Variants in PPP4R3B observed in about 807,000 individuals in gnomAD.
PPP4R3B encodes the protein protein phosphatase 4 regulatory subunit 3B.
Under a neutral mutation model 95.4 loss-of-function variants are expected in PPP4R3B, and 52 were observed. The observed-to-expected ratio is 0.54, with a 90% CI of 0.44 to 0.69. The LOEUF (loss-of-function observed/expected upper bound fraction) is 0.69. Ranked by LOEUF, PPP4R3B falls within the 30% of genes least tolerant of loss-of-function variation. PPP4R3B has a pLI of 0.00. For missense variants in PPP4R3B, 1,003 were observed against 1,005.9 expected, an observed-to-expected ratio of 1.00 and a Z score of 0.04; for synonymous variants, 407 against 343.9, an observed-to-expected ratio of 1.18 and a Z score of -2.03.
chr2:55,567,991 A>C, intron 13 of PPP4R3B: 1 of 302,196 alleles, frequency 3.3e-6, no homozygotes, highest in Non-Finnish European at 5.9e-6. Context: ...AAACCACTAA[A>C]CTATAACCAT....
At chr2:55,574,387 T>C (rs1264489985) in intron 11 of PPP4R3B, among the ~76,000 whole-genome samples, 1 of 150,976 alleles carries the variant, frequency 6.6e-6, no homozygotes, top group Non-Finnish European at 1.5e-5. Context: ...CACTGAGGAG[T>C]TCTTGGTAAT....
rs1489257916 is a variant in PPP4R3B, at chr2:55,615,240, A to T, written c.198+211T>A. 5.8e-6 allele frequency: 3 copies of T among 513,022 alleles called. No individual in the cohort carries two copies. The East Asian group carries it at 1.1e-4, about 18-fold the overall frequency. 31.8% of individuals were successfully genotyped at this position (513,022 alleles called of 1,614,324 possible). On this transcript the variant is annotated intron_variant, in intron 2 of 16. Coordinates refer to ENST00000616407, the MANE Select transcript of PPP4R3B (RefSeq NM_001122964.3). ...TACTAATAAATACATCTTAGAATAA[A>T]CCGACAGTGGCTCAATCCAAAAATG... is the stretch of plus-strand genomic sequence containing the variant.
At chr2:55,609,593 A>C (rs188037180) in intron 2 of PPP4R3B, among the ~76,000 whole-genome samples, 1 of 151,580 alleles carries the variant, frequency 6.6e-6, no homozygotes, top group Non-Finnish European at 1.5e-5. Context: ...GCCTGAGCGC[A>C]GGAAGTTAAA....
chr2:55,552,101 ATT>A (rs1232369327), intron 16 of PPP4R3B, among the ~76,000 whole-genome samples: 1 of 152,168 alleles, frequency 6.6e-6, no homozygotes, highest in African/African-American at 2.4e-5. Flanking sequence ...CACTTATACA[ATT>A]TGAGTTTTAC....
At chr2:55,615,262 A>T (rs1694731550) in intron 2 of PPP4R3B, 189 bp downstream of exon 2, 1 of 546,228 alleles carries the variant, frequency 1.8e-6, no homozygotes, top group South Asian at 2.2e-5. Flanking sequence ...TCAATCCAAA[A>T]ATGATAATTA....
chr2:55,561,720 C>T (rs1201250290), intron 15 of PPP4R3B, among the ~76,000 whole-genome samples: 1 of 152,238 alleles, frequency 6.6e-6, no homozygotes, highest in Non-Finnish European at 1.5e-5. Flanking sequence ...GGGCCTGTAG[C>T]CCCTTTGTTT....
At chr2:55,583,871 C>G (rs533319438) in intron 7 of PPP4R3B, among the ~76,000 whole-genome samples, 30 of 152,304 alleles carry the variant, frequency 2.0e-4, no homozygotes, top group African/African-American at 6.7e-4. Context: ...TCAGTGGTAA[C>G]TGATGCAAGC....
intron 7 of PPP4R3B, among the ~76,000 whole-genome samples, chr2:55,583,453 A>C (rs1290595688): frequency 2.0e-5 from 3 of 152,200 alleles, no homozygotes; most frequent in African/African-American, 4.8e-5. Context: ...ATTAAACAAG[A>C]AATATTTTTA....
chr2:55,576,842 C>T (rs1435502318), intron 11 of PPP4R3B, among the ~76,000 whole-genome samples: 2 of 152,190 alleles, frequency 1.3e-5, no homozygotes, highest in Admixed American at 1.3e-4. Context: ...ACTGGCTCCC[C>T]TTTGAGATTT....
At chr2:55,565,535 A>T (rs947280968) in intron 13 of PPP4R3B, among the ~76,000 whole-genome samples, 43 of 152,286 alleles carry the variant, frequency 2.8e-4, no homozygotes, top group African/African-American at 9.6e-4. Context: ...GGTGATGGAT[A>T]CCCCAAATAC....
chr2:55,579,554 G>C (rs764248616), intron 9 of PPP4R3B, 125 bp downstream of exon 9: 6 of 507,842 alleles, frequency 1.2e-5, no homozygotes, highest in Non-Finnish European at 2.0e-5. Context: ...TTATATTGCA[G>C]TTTAAGTTTT....
chr2:55,599,221 T>G (rs1692219055), intron 3 of PPP4R3B, among the ~76,000 whole-genome samples, 182 bp from the exon 4 acceptor site: 1 of 152,130 alleles, frequency 6.6e-6, no homozygotes, highest in Non-Finnish European at 1.5e-5. Context: ...GCAGGTCTCT[T>G]GAGGTCAGGA....
Position 55,558,896 on chromosome 2 carries a change from T to C in PPP4R3B, c.2333A>G (p.His778Arg), listed in dbSNP as rs774056194. ...TGTTCCATTAGCAGCACTGGCAGAG[T>C]GGGAGAAAGTAAATTTGAAGCCACC... ...SPGGFKFTFSHSASAANGTNS... is the reference protein window; with the variant it reads ...SPGGFKFTFSRSASAANGTNS... Residue 778 changes from histidine to arginine, a missense_variant, in exon 16 of 17, where the codon CAC becomes CGC. His to Arg is a conservative substitution (Grantham distance 29). Coordinates refer to ENST00000616407, the MANE Select transcript of PPP4R3B (RefSeq NM_001122964.3). 3.7e-6 allele frequency: 6 copies of C among 1,613,728 alleles called. No individual in the cohort carries two copies. The highest frequency in any genetic ancestry group is 1.7e-5 in the Admixed American group (1 of 59,966).
At chr2:55,594,448 GA>G (rs2104402973) in intron 4 of PPP4R3B, among the ~76,000 whole-genome samples, 1 of 152,046 alleles carries the variant, frequency 6.6e-6, no homozygotes, top group East Asian at 1.9e-4. Flanking sequence ...AAATCTTTTA[GA>G]AAAATAAAAA....
intron 16 of PPP4R3B, among the ~76,000 whole-genome samples, chr2:55,550,832 C>T (rs1283260267): frequency 6.6e-6 from 1 of 152,026 alleles, no homozygotes; most frequent in Non-Finnish European, 1.5e-5. Context: ...CAGAATGTAA[C>T]CAAATCAGTA....
At chr2:55,612,915 C>A (rs1694374453) in intron 2 of PPP4R3B, among the ~76,000 whole-genome samples, 1 of 149,510 alleles carries the variant, frequency 6.7e-6, no homozygotes, top group Admixed American at 6.7e-5. Flanking sequence ...CACCACACTG[C>A]AGCATGGACG....
At chr2:55,569,541 T>C (rs972375162) in intron 12 of PPP4R3B, among the ~76,000 whole-genome samples, 2 of 152,176 alleles carry the variant, frequency 1.3e-5, no homozygotes, top group East Asian at 3.8e-4. Context: ...TAAAAGTCTA[T>C]GATAAGCAGA....
At chr2:55,605,267 C>T (rs891376425) in intron 2 of PPP4R3B, among the ~76,000 whole-genome samples, 3 of 152,026 alleles carry the variant, frequency 2.0e-5, no homozygotes, top group South Asian at 2.1e-4. Context: ...TAAGTTTATA[C>T]GCTACCAAAA....
At chr2:55,558,748 G>A in intron 16 of PPP4R3B, 27 bp downstream of exon 16, 2 of 1,464,436 alleles carry the variant, frequency 1.4e-6, no homozygotes, top group Non-Finnish European at 1.8e-6. Context: ...GAAAAGCAAA[G>A]TTTGTGTGTA....
Sources: gnomAD v4.1 joint callset for allele counts (sites outside exome capture counted in the v4.1 genomes callset) on GRCh38, gnomAD v4.1.1 for gene constraint, MANE v1.5 for transcripts, NCBI Gene and HGNC (gene_info 2026-07-23, HGNC 2026-07-21) for gene names.